Variants in MAP3K20 observed in about 807,000 individuals in gnomAD.
The protein encoded by MAP3K20 is mitogen-activated protein kinase kinase kinase 20.
A neutral mutation model predicts 85.7 loss-of-function variants in MAP3K20; 40 were observed. The observed-to-expected ratio is 0.47, with a 90% CI of 0.36 to 0.61. The LOEUF is 0.61. Among genes scored for constraint, MAP3K20 ranks in the 20% least tolerant of loss-of-function variants. The pLI is 0.00. For synonymous variants in MAP3K20, 325 were observed against 327.7 expected, an observed-to-expected ratio of 0.99 and a Z score of 0.09; for missense variants, 817 against 961.7, an observed-to-expected ratio of 0.85 and a Z score of 1.99.
At chr2:173,188,519 A>G (rs1426061613) in intron 5 of MAP3K20, among the ~76,000 whole-genome samples, 2 of 152,204 alleles carry the variant, frequency 1.3e-5, no homozygotes, top group Admixed American at 6.5e-5. Flanking sequence ...ATGGGTGGTG[A>G]TGACAAGTAG....
At position 173,258,796 on chromosome 2, in the gene MAP3K20, A is replaced by T. The variant is rs1040733842; in HGVS notation, c.1457A>T (p.Glu486Val). 6.2e-7 allele frequency: 1 copy of T among 1,606,342 alleles called. No individual in the cohort carries two copies. The highest frequency in any genetic ancestry group is 8.5e-7 in the Non-Finnish European group (1 of 1,173,802). Residue 486 changes from glutamate (E) to valine (V), a missense_variant, in exon 17 of 20, where the codon GAG (glutamate) becomes GTG (valine). Physicochemically the swap from Glu to Val is moderately radical, Grantham distance 121 (BLOSUM62 -2). Around this residue, in one of 4 missense-constraint regions of MAP3K20, gnomAD observed 454 missense variants for 476.9 expected, o/e 0.95. Transcript: ENST00000375213. ...VTFNTNLPDA[E>V]ILKMTKPPFV... ...TTCAACACTAACCTACCTGATGCGGAGATTTTAAAGATGACAAAGGTAGGG... is the reference window on the plus strand; with the variant it reads ...TTCAACACTAACCTACCTGATGCGGTGATTTTAAAGATGACAAAGGTAGGG...
Position 173,258,836 on chromosome 2 carries a change from T to C in MAP3K20, c.1476+21T>C, listed in dbSNP as rs1172432835. On this transcript the variant is annotated intron_variant, in intron 17 of 19. Transcript: ENST00000375213. ...CAAAGGTAGGGTTCTATTTACGGCT[T>C]AAAAGCTCTTTTGAATTCACAGATA... The C allele has an allele frequency of 4.1e-6, 6 of 1,450,996 alleles. No homozygotes were observed. The East Asian group carries it at 6.8e-5, about 16-fold the overall frequency. 89.9% of individuals were successfully genotyped at this position (1,450,996 alleles called of 1,614,324 possible).
intron 16 of MAP3K20, among the ~76,000 whole-genome samples, chr2:173,258,472 T>TA (rs1316583514): frequency 1.3e-5 from 2 of 151,918 alleles, no homozygotes; most frequent in Non-Finnish European, 1.5e-5. Flanking sequence ...GTAACTCCTA[T>TA]AATAGAACAC....
intron 3 of MAP3K20, 116 bp from the exon 4 acceptor site, chr2:173,182,738 T>C (rs1295751435): frequency 1.4e-6 from 1 of 726,504 alleles, no homozygotes. Flanking sequence ...ATTTTTTATA[T>C]ATTTTTGATG....
At position 173,172,877 on chromosome 2, in the gene MAP3K20, A is replaced by C. The variant is rs182415831; in HGVS notation, c.247+2985A>C. ...CAGTGGTGCAACCTAGGCTCACTGC[A>C]ACCTCCACCTCCTGAGTTCAAGCAA... On this transcript the variant is annotated intron_variant, in intron 3 of 19. Transcript: ENST00000375213. 5.8e-3 allele frequency among the ~76,000 whole-genome samples: 884 copies of C among 151,404 alleles called. 4 individuals carry two copies. Among genetic ancestry groups the C allele is most frequent in the Middle Eastern group, 0.01 (3 of 294 alleles).
Position 173,266,057 on chromosome 2 carries a change from T to C in MAP3K20, c.1710T>C (p.Asp570=). Residue 570 remains aspartate, a synonymous_variant, in exon 20 of 20, where the codon GAT becomes GAC. Transcript: ENST00000375213. ...TTTCCATTTCTCCCGCAGGTGCTGA[T>C]TGCCAGTGGTTAGATACTCTGAGGA... ...NPGSRSDSSA[D]CQWLDTLRMR... is the part of the protein sequence containing the mutation. The C allele has an allele frequency of 6.4e-7, 1 of 1,565,956 alleles. No homozygotes were observed. The highest frequency in any genetic ancestry group is 8.7e-7 in the Non-Finnish European group (1 of 1,152,730).
At chr2:173,116,525 T>G (rs1688128684) in intron 2 of MAP3K20, among the ~76,000 whole-genome samples, 1 of 152,238 alleles carries the variant, frequency 6.6e-6, no homozygotes, top group South Asian at 2.1e-4. Context: ...ATTTTTTCAT[T>G]TGCTGCCACC....
At chr2:173,253,738 G>A (rs1285913917) in intron 16 of MAP3K20, among the ~76,000 whole-genome samples, 5 of 152,104 alleles carry the variant, frequency 3.3e-5, no homozygotes, top group African/African-American at 1.2e-4. Context: ...AAAAGTCAGT[G>A]CCCACATTTC....
chr2:173,238,237 T>C, intron 14 of MAP3K20, 136 bp from the exon 15 acceptor site: 1 of 708,148 alleles, frequency 1.4e-6, no homozygotes, highest in Non-Finnish European at 2.4e-6. Flanking sequence ...TTATTCTAAA[T>C]AGACGTTGGA....
chr2:173,082,147 A>G (rs1311889762), intron 1 of MAP3K20, among the ~76,000 whole-genome samples: 4 of 152,108 alleles, frequency 2.6e-5, no homozygotes, highest in Non-Finnish European at 4.4e-5. Flanking sequence ...GACTACAGGC[A>G]TGAACCACCA....
chr2:173,167,825 A>G (rs1271199016), intron 2 of MAP3K20, among the ~76,000 whole-genome samples: 3 of 152,156 alleles, frequency 2.0e-5, no homozygotes, highest in African/African-American at 7.2e-5. Flanking sequence ...GACTCAGAAT[A>G]TACTTGTATT....
At chr2:173,222,061 G>GCATGT in intron 11 of MAP3K20, 4 of 949,610 alleles carry the variant, frequency 4.2e-6, no homozygotes, top group Non-Finnish European at 5.0e-6. Flanking sequence ...AAACTAGCTG[G>GCATGT]CATGGTAGCA....
intron 16 of MAP3K20, among the ~76,000 whole-genome samples, chr2:173,250,227 C>CA (rs886735733): frequency 2.6e-5 from 4 of 152,166 alleles, no homozygotes; most frequent in African/African-American, 7.2e-5. Flanking sequence ...ATTTTCTTTT[C>CA]AAAAGGCAAA....
At position 173,267,313 on chromosome 2, in the gene MAP3K20, T is replaced by C. The variant is rs1237993143; in HGVS notation, c.*563T>C. 1 of 152,228 alleles carries C rather than the reference T, an allele frequency of 6.6e-6. No individual in the cohort carries two copies. 9.4% of individuals were successfully genotyped at this position (152,228 alleles called of 1,614,324 possible). A position where few individuals can be genotyped will look rare whatever the true frequency, so the allele number is the denominator to read the frequency against. ...TTTGAGGTTTTTTGTTGCTTCTTTT[T>C]TCTTTTCTTTCTTTCCCCCTCTTTT... On this transcript the variant is annotated 3_prime_UTR_variant, in exon 20 of 20. Coordinates refer to ENST00000375213, the MANE Select transcript of MAP3K20 (RefSeq NM_016653.3).
Position 173,175,309 on chromosome 2 carries a change from C to T in MAP3K20, c.247+5417C>T, listed in dbSNP as rs139955559. Reference sequence around the variant, plus strand: ...TCTTAGGTATAGTTTTACAGGACTGCAGTTGCCATCTTTATAATATCCACA... The same window carrying T: ...TCTTAGGTATAGTTTTACAGGACTGTAGTTGCCATCTTTATAATATCCACA... On this transcript the variant is annotated intron_variant, in intron 3 of 19. Transcript: ENST00000375213. Among the ~76,000 whole-genome samples the T allele has an allele frequency of 1.4e-3, 208 of 152,296 alleles. 1 individual carries two copies. Among genetic ancestry groups the T allele is most frequent in the African/African-American group, 4.9e-3 (203 of 41,572 alleles).
chr2:173,131,682 G>T (rs558895239), intron 2 of MAP3K20, among the ~76,000 whole-genome samples: 1 of 151,360 alleles, frequency 6.6e-6, no homozygotes, highest in Admixed American at 6.6e-5. Flanking sequence ...AGAAAATCAT[G>T]TGTAGAAATA....
At chr2:173,163,909 T>C (rs934780658) in intron 2 of MAP3K20, among the ~76,000 whole-genome samples, 4 of 152,184 alleles carry the variant, frequency 2.6e-5, no homozygotes, top group African/African-American at 9.7e-5. Context: ...CCACCAGCAG[T>C]GTATGAGCAT....
In MAP3K20 at chr2:173,169,829, C is replaced by A; in HGVS notation, c.184C>A (p.His62Asn). The A allele has an allele frequency of 6.2e-7, 1 of 1,613,904 alleles. No individual in the cohort carries two copies. Among genetic ancestry groups the A allele is most frequent in the South Asian group, 1.1e-5 (1 of 91,022 alleles). The part of the protein sequence containing the change: ...KEAEILSVLS[H>N]RNIIQFYGVI... Reference sequence around the variant, plus strand: ...GGCAGAAATACTCAGTGTCCTCAGTCACAGAAACATCATCCAGTTTTATGG... The same window carrying A: ...GGCAGAAATACTCAGTGTCCTCAGTAACAGAAACATCATCCAGTTTTATGG... Residue 62 changes from histidine to asparagine, a missense_variant, in exon 3 of 20, where the codon CAC becomes AAC. This residue lies in a region of MAP3K20 where 200 missense variants were observed against 302.7 expected (regional missense o/e 0.66). Transcript: ENST00000375213.
chr2:173,258,810 A>T lies in MAP3K20; in HGVS notation c.1471A>T (p.Thr491Ser). The T allele has an allele frequency of 3.8e-6, 6 of 1,591,994 alleles. No homozygotes were observed. Among genetic ancestry groups the T allele is most frequent in the Non-Finnish European group, 5.2e-6 (6 of 1,161,036 alleles). Residue 491 changes from threonine (T) to serine (S), a missense_variant, in exon 17 of 20, where the codon ACA becomes TCA. By Grantham distance (58) the Thr-to-Ser change is moderately conservative. Around this residue, in one of 4 missense-constraint regions of MAP3K20, gnomAD observed 454 missense variants for 476.9 expected, o/e 0.95. Transcript: ENST00000375213. The part of the protein sequence containing the change: ...NLPDAEILKM[T>S]KPPFVMEKWI... ...ACCTGATGCGGAGATTTTAAAGATG[A>T]CAAAGGTAGGGTTCTATTTACGGCT...
Sources: allele counts gnomAD v4.1 joint callset (sites outside exome capture counted in the v4.1 genomes callset), GRCh38; gene constraint gnomAD v4.1.1; regional missense constraint gnomAD v4.1.1; transcripts MANE v1.5; gene names NCBI Gene and HGNC (gene_info 2026-07-23, HGNC 2026-07-21).